The following SAMD5 variants were observed in gnomAD, a reference collection of about 807,000 sequenced individuals.
SAMD5 encodes sterile alpha motif domain containing 5.
Under a neutral mutation model 11.3 loss-of-function variants are expected in SAMD5, and 13 were observed. The observed-to-expected ratio is 1.15, with a 90% CI of 0.75 to 1.83. The LOEUF is 1.83. Among genes scored for constraint, SAMD5 ranks in the 40% most tolerant of loss-of-function variants. The pLI, the probability that SAMD5 is intolerant of heterozygous loss-of-function variation, is 0.00. For missense variants in SAMD5, 255 were observed against 239.1 expected (o/e 1.07, Z -0.44); for synonymous variants, 129 against 111.3 (o/e 1.16, Z -1.00).
chr6:147,639,440 C>T (rs572190285), intron 1 of SAMD5, among the ~76,000 whole-genome samples: 1 of 152,162 alleles, frequency 6.6e-6, no homozygotes, highest in East Asian at 1.9e-4. Flanking sequence ...GTGTTCAGAT[C>T]CCTCAAAGCA....
At chr6:147,750,279 A>G in the SAMD5 span, among the ~76,000 whole-genome samples, 2 of 152,222 alleles carry the variant, frequency 1.3e-5, no homozygotes, top group Admixed American at 1.3e-4. Context: ...GTCATTGAAA[A>G]TGTGCATCTT....
At chr6:147,795,029 AAATG>A in the SAMD5 span, among the ~76,000 whole-genome samples, 39 of 151,828 alleles carry the variant, frequency 2.6e-4, no homozygotes, top group African/African-American at 8.7e-4. Context: ...TCATTAAAAA[AAATG>A]AATGAATACA....
At chr6:147,914,177 T>A in the SAMD5 span, among the ~76,000 whole-genome samples, 1 of 136,276 alleles carries the variant, frequency 7.3e-6, no homozygotes, top group Non-Finnish European at 1.6e-5. Flanking sequence ...TTTTTTTTTT[T>A]AGCTCATCAG....
At chr6:147,759,779 T>C in the SAMD5 span, among the ~76,000 whole-genome samples, 3 of 152,164 alleles carry the variant, frequency 2.0e-5, no homozygotes, top group Non-Finnish European at 4.4e-5. Context: ...GTATCCTATA[T>C]GAATTAAGTC....
chr6:147,730,086 A>T (rs1562362037), intron 1 of SAMD5: 1 of 438,328 alleles, frequency 2.3e-6, no homozygotes, highest in Non-Finnish European at 4.5e-6. Flanking sequence ...AAAAAAAAAA[A>T]AAAAAAGAAA....
intron 1 of SAMD5, among the ~76,000 whole-genome samples, chr6:147,650,351 GGCA>G: frequency 6.6e-6 from 1 of 152,124 alleles, no homozygotes; most frequent in South Asian, 2.1e-4. Context: ...CAAAGGAGGG[GGCA>G]AGGGGCATTC....
chr6:147,573,454 G>C (rs530406189), downstream of SAMD5, among the ~76,000 whole-genome samples: 212 of 152,246 alleles, frequency 1.4e-3, 1 homozygote, highest in African/African-American at 4.8e-3. Flanking sequence ...ACAGCATCAG[G>C]GAAACCGCCT....
chr6:147,691,423 A>T (rs1279189585), intron 1 of SAMD5, among the ~76,000 whole-genome samples: 1 of 152,218 alleles, frequency 6.6e-6, no homozygotes, highest in African/African-American at 2.4e-5. Flanking sequence ...TCTCCAAATT[A>T]TAGATATATA....
chr6:147,857,186 G>A, the SAMD5 span, among the ~76,000 whole-genome samples: 11 of 151,652 alleles, frequency 7.3e-5, 1 homozygote, highest in South Asian at 2.1e-4. Context: ...GGCTCATTTC[G>A]GTCACTTTGT....
At chr6:147,674,688 G>A (rs958909837) in intron 1 of SAMD5, among the ~76,000 whole-genome samples, 2 of 152,154 alleles carry the variant, frequency 1.3e-5, no homozygotes, top group African/African-American at 4.8e-5. Context: ...CCTGACAGAT[G>A]TGCTATCATT....
the SAMD5 span, among the ~76,000 whole-genome samples, chr6:147,877,828 C>T: frequency 1.8e-4 from 24 of 133,280 alleles, no homozygotes; most frequent in East Asian, 5.2e-3. Context: ...GTCTCTTTCC[C>T]TCTCTCCTTT....
At chr6:147,918,109 G>A in the SAMD5 span, among the ~76,000 whole-genome samples, 1 of 152,156 alleles carries the variant, frequency 6.6e-6, no homozygotes, top group Admixed American at 6.6e-5. Context: ...GTCATTGATA[G>A]CTTGATGGGG....
the SAMD5 span, among the ~76,000 whole-genome samples, chr6:147,936,650 C>G: frequency 1.2e-4 from 19 of 152,202 alleles, no homozygotes; most frequent in Non-Finnish European, 2.4e-4. Flanking sequence ...AATATCCAAA[C>G]TACGTCAACC....
At chr6:147,845,757 G>T in the SAMD5 span, among the ~76,000 whole-genome samples, 1 of 151,930 alleles carries the variant, frequency 6.6e-6, no homozygotes, top group African/African-American at 2.4e-5. Flanking sequence ...AGGGGAAACC[G>T]GATTACTCAT....
At chr6:147,614,854 GT>G (rs1446985448) in intron 1 of SAMD5, among the ~76,000 whole-genome samples, 3 of 151,878 alleles carry the variant, frequency 2.0e-5, no homozygotes, top group Non-Finnish European at 4.4e-5. Flanking sequence ...TGTATTCGAA[GT>G]TTCTGTGTCC....
chr6:147,591,951 T>C (rs1215732553), intron 1 of SAMD5, among the ~76,000 whole-genome samples: 2 of 152,048 alleles, frequency 1.3e-5, no homozygotes, highest in Non-Finnish European at 2.9e-5. Context: ...CCCCAGTTTT[T>C]CTAGCCTGGT....
At chr6:147,575,814 T>C (rs1280079664) in intron 1 of SAMD5, among the ~76,000 whole-genome samples, 6 of 152,264 alleles carry the variant, frequency 3.9e-5, no homozygotes, top group Admixed American at 3.9e-4. Flanking sequence ...TTTGGCTTAC[T>C]GCCATTATTC....
At chr6:147,909,592 C>CTTTCTTTG in the SAMD5 span, among the ~76,000 whole-genome samples, 1 of 69,426 alleles carries the variant, frequency 1.4e-5, no homozygotes, top group Non-Finnish European at 2.6e-5. Context: ...TTCTTTCTTT[C>CTTTCTTTG]TTTCTTTCTT....
At chr6:147,592,328 A>G (rs13217782) in intron 1 of SAMD5, among the ~76,000 whole-genome samples, 2,895 of 152,186 alleles carry the variant, frequency 0.019, 49 homozygotes, top group Non-Finnish European at 0.029. Flanking sequence ...CTCTCCCACC[A>G]TAGAAATGAA....
Sources: allele counts gnomAD v4.1 joint callset (sites outside exome capture counted in the v4.1 genomes callset), GRCh38; gene constraint gnomAD v4.1.1; transcripts MANE v1.5; gene names NCBI Gene and HGNC (gene_info 2026-07-23, HGNC 2026-07-21).